Variants in ABCA1 observed in about 807,000 individuals in gnomAD.
The protein encoded by ABCA1 is phospholipid-transporting ATPase ABCA1.
In ABCA1, 133 loss-of-function variants were observed where a neutral mutation model predicts 262.5. That is an observed-to-expected ratio of 0.51 (90% CI 0.44 to 0.59). The LOEUF is 0.59. Ranked by LOEUF, ABCA1 falls within the 20% of genes least tolerant of loss-of-function variation. The pLI is 0.00. For synonymous variants in ABCA1, 1,022 were observed against 1,043.5 expected (o/e 0.98, Z 0.40); for missense variants, 2,452 against 2,777.5 (o/e 0.88, Z 2.63).
intron 1 of ABCA1, among the ~76,000 whole-genome samples, chr9:104,905,469 A>T (rs1368589010): frequency 6.6e-6 from 1 of 152,234 alleles, no homozygotes; most frequent in Non-Finnish European, 1.5e-5. Flanking sequence ...CAATAAATCA[A>T]GAAATTCTCT....
chr9:104,843,977 A>G (rs1834623652), intron 8 of ABCA1, among the ~76,000 whole-genome samples: 1 of 150,914 alleles, frequency 6.6e-6, no homozygotes. Context: ...AGTTTCCACC[A>G]CATCAGCAAT....
chr9:104,784,561 C>T, intron 49 of ABCA1, 106 bp from the exon 50 acceptor site: 1 of 1,332,130 alleles, frequency 7.5e-7, no homozygotes, highest in South Asian at 1.2e-5. Context: ...TAGGAGCATA[C>T]AGAATTACAT....
At chr9:104,894,798 T>G (rs1301551522) in intron 2 of ABCA1, among the ~76,000 whole-genome samples, 1 of 152,254 alleles carries the variant, frequency 6.6e-6, no homozygotes, top group Non-Finnish European at 1.5e-5. Context: ...AGAGACTGTC[T>G]GCAAAGTTCA....
intron 1 of ABCA1, among the ~76,000 whole-genome samples, chr9:104,905,183 G>C (rs1177453583): frequency 1.3e-5 from 2 of 152,294 alleles, no homozygotes; most frequent in East Asian, 3.9e-4. Flanking sequence ...GCAAGGGTAG[G>C]GTGGGACACT....
In ABCA1 at chr9:104,788,584, A is replaced by C; in HGVS notation, c.5928-17T>G. 6.2e-7 allele frequency: 1 copy of C among 1,613,970 alleles called. No homozygotes were observed. Among genetic ancestry groups the C allele is most frequent in the Non-Finnish European group, 8.5e-7 (1 of 1,179,944 alleles). On this transcript the variant is annotated splice_polypyrimidine_tract_variant and intron_variant, in intron 44 of 49. Coordinates refer to ENST00000374736, the MANE Select transcript of ABCA1 (RefSeq NM_005502.4). ...GATAAGATACTGCAAAGGACAAGAAAACTACTTAGATTTTAAGCAGGTAGA... is the reference window on the plus strand; with the variant it reads ...GATAAGATACTGCAAAGGACAAGAACACTACTTAGATTTTAAGCAGGTAGA...
At chr9:104,797,331 T>C (rs532220102) in intron 37 of ABCA1, among the ~76,000 whole-genome samples, 7 of 152,200 alleles carry the variant, frequency 4.6e-5, no homozygotes, top group Non-Finnish European at 7.4e-5. Context: ...ATATAAAGTT[T>C]AGTTTCAAAA....
intron 2 of ABCA1, among the ~76,000 whole-genome samples, chr9:104,896,388 G>A (rs1267296576): frequency 6.6e-6 from 1 of 152,140 alleles, no homozygotes; most frequent in Non-Finnish European, 1.5e-5. Flanking sequence ...TGAGAATTAA[G>A]GAGAGCTAAA....
At chr9:104,916,636 T>G (rs1841858998) in intron 1 of ABCA1, among the ~76,000 whole-genome samples, 1 of 152,222 alleles carries the variant, frequency 6.6e-6, no homozygotes, top group Non-Finnish European at 1.5e-5. Flanking sequence ...AGAATAAATT[T>G]AGCACGCCAT....
intron 7 of ABCA1, 39 bp from the exon 8 acceptor site, chr9:104,845,608 G>A: frequency 1.5e-6 from 2 of 1,354,300 alleles, no homozygotes; most frequent in Non-Finnish European, 2.1e-6. Context: ...GAATTCAAAT[G>A]TAAACCTGAA....
At chr9:104,900,068 T>C (rs1840539446) in intron 2 of ABCA1, among the ~76,000 whole-genome samples, 1 of 151,930 alleles carries the variant, frequency 6.6e-6, no homozygotes, top group Non-Finnish European at 1.5e-5. Flanking sequence ...GTCTGCACAA[T>C]GGGGGTACAG....
At chr9:104,810,039 C>T (rs867035246) in intron 29 of ABCA1, among the ~76,000 whole-genome samples, 2 of 150,742 alleles carry the variant, frequency 1.3e-5, no homozygotes, top group Admixed American at 6.6e-5. Context: ...TCCACAACTA[C>T]GGGCAATACA....
intron 39 of ABCA1, 42 bp from the exon 40 acceptor site, chr9:104,794,552 G>A (rs1479927929): frequency 6.3e-7 from 1 of 1,586,150 alleles, no homozygotes. Context: ...GGAGGGTGAG[G>A]GAGAAGAAAC....
At position 104,793,077 on chromosome 9, in the gene ABCA1, C is replaced by T. The variant is rs1287831167; in HGVS notation, c.5636+94G>A. The T allele has an allele frequency of 3.1e-6, 5 of 1,591,408 alleles. No homozygotes were observed. The South Asian group carries it at 3.3e-5, about 11-fold the overall frequency. ...TCAGTTTTATCACATATTTTGAGTT[C>T]AGTTCAATGCAACCCCCATTGGTGA... is the stretch of plus-strand genomic sequence containing the variant. On this transcript the variant is annotated intron_variant, in intron 41 of 49. Coordinates refer to ENST00000374736, the MANE Select transcript of ABCA1 (RefSeq NM_005502.4).
intron 35 of ABCA1, 28 bp from the exon 36 acceptor site, chr9:104,800,016 T>C: frequency 1.2e-6 from 2 of 1,613,740 alleles, no homozygotes. Context: ...AGGTACAAGG[T>C]AATGCCCCCA....
chr9:104,796,844 G>A (rs916028552), intron 37 of ABCA1, among the ~76,000 whole-genome samples: 1 of 152,184 alleles, frequency 6.6e-6, no homozygotes, highest in Non-Finnish European at 1.5e-5. Flanking sequence ...TGAGGTAACT[G>A]CTCATAACAT....
chr9:104,838,376 G>A lies in ABCA1; in HGVS notation c.1055-809C>T, dbSNP rs550410169. On this transcript the variant is annotated intron_variant, in intron 9 of 49. Coordinates refer to ENST00000374736, the MANE Select transcript of ABCA1 (RefSeq NM_005502.4). ...TGTAATCCCAGCACTTTGGGAGGCCGAGACAGGCGGATCACGAGGTCAGGA... is the reference window on the plus strand; with the variant it reads ...TGTAATCCCAGCACTTTGGGAGGCCAAGACAGGCGGATCACGAGGTCAGGA... Among the ~76,000 whole-genome samples the A allele has an allele frequency of 3.8e-4, 58 of 150,876 alleles. No individual in the cohort carries two copies. The South Asian group carries it at 5.5e-3, about 14-fold the overall frequency.
intron 6 of ABCA1, among the ~76,000 whole-genome samples, chr9:104,859,498 TATTAC>T (rs1330043881): frequency 6.6e-6 from 1 of 152,218 alleles, no homozygotes; most frequent in Non-Finnish European, 1.5e-5. Context: ...GCAGACTCTT[TATTAC>T]ACCATTACTA....
chr9:104,825,898 C>G lies in ABCA1; in HGVS notation c.2338-11G>C, dbSNP rs778147120. 1 of 1,613,286 alleles carries G rather than the reference C, an allele frequency of 6.2e-7. No homozygotes were observed. On this transcript the variant is annotated splice_polypyrimidine_tract_variant and intron_variant, in intron 16 of 49. Coordinates refer to ENST00000374736, the MANE Select transcript of ABCA1 (RefSeq NM_005502.4). ...AGGAGACAGCAGGCTCTGTGAGAAA[C>G]AGGCAAAGTCACCTATCCATTTCCT...
rs149672218 is a variant in ABCA1, at chr9:104,785,737, G to T, written c.6402-98C>A. The T allele has an allele frequency of 4.1e-4, 611 of 1,482,394 alleles. 3 individuals are homozygous for T. In the African/African-American group the frequency reaches 7.8e-3, roughly 19 times the overall value. The allele number at this position is 1,482,394 out of a possible 1,614,324, so 91.8% of individuals were successfully genotyped here. ...CCCAACTTGTGCCATGAAAAAGGGC[G>T]GCCCCTGGCAGGCCCAGAAATAAGT... On this transcript the variant is annotated intron_variant, in intron 48 of 49. Transcript: ENST00000374736.
Sources: gnomAD v4.1 joint callset for allele counts (sites outside exome capture counted in the v4.1 genomes callset) on GRCh38, gnomAD v4.1.1 for gene constraint, MANE v1.5 for transcripts, NCBI Gene and HGNC (gene_info 2026-07-23, HGNC 2026-07-21) for gene names.